NEGR1: variants seen among roughly 807,000 people sequenced by gnomAD.
NEGR1 encodes the protein neuronal growth regulator 1, also known as IgLON family member 4.
Under a neutral mutation model 40.9 loss-of-function variants are expected in NEGR1, and 10 were observed. The observed-to-expected ratio is 0.24, with a 90% confidence interval of 0.15 to 0.42. The LOEUF is 0.42. Ranked by LOEUF, NEGR1 falls within the 10% of genes least tolerant of loss-of-function variation. NEGR1 has a pLI of 1.00. For synonymous variants in NEGR1, 185 were observed against 166.8 expected (o/e 1.11, Z -0.84); for missense variants, 352 against 438.9 (o/e 0.80, Z 1.77).
intron 1 of NEGR1, among the ~76,000 whole-genome samples, chr1:71,950,322 A>G (rs1457286221): frequency 6.6e-6 from 1 of 152,034 alleles, no homozygotes; most frequent in Non-Finnish European, 1.5e-5. Flanking sequence ...AGCAAGCATA[A>G]CACATAAGTA....
At chr1:71,589,776 A>AC (rs1553152105) in intron 6 of NEGR1, among the ~76,000 whole-genome samples, 30 of 151,918 alleles carry the variant, frequency 2.0e-4, no homozygotes, top group African/African-American at 7.0e-4. Context: ...AAAGTTTAAT[A>AC]CTGGGTTTAG....
At chr1:72,089,121 T>C (rs1385027084) in intron 1 of NEGR1, among the ~76,000 whole-genome samples, 2 of 152,194 alleles carry the variant, frequency 1.3e-5, no homozygotes, top group East Asian at 1.9e-4. Flanking sequence ...ATTCTGCTTT[T>C]CTAACAAGCT....
At chr1:71,459,468 C>T (rs1646698935) in intron 6 of NEGR1, among the ~76,000 whole-genome samples, 1 of 152,228 alleles carries the variant, frequency 6.6e-6, no homozygotes, top group Non-Finnish European at 1.5e-5. Context: ...TGCCCATCAA[C>T]TTGGGCTGGC....
intron 1 of NEGR1, among the ~76,000 whole-genome samples, chr1:72,056,815 G>A (rs2100486376): frequency 6.6e-6 from 1 of 151,544 alleles, no homozygotes; most frequent in East Asian, 1.9e-4. Context: ...TCATATCATA[G>A]TTTCTCTGCT....
At chr1:72,093,239 G>T (rs1269448847) in intron 1 of NEGR1, among the ~76,000 whole-genome samples, 3 of 148,860 alleles carry the variant, frequency 2.0e-5, no homozygotes, top group Non-Finnish European at 4.4e-5. Flanking sequence ...GCTGAGGCAG[G>T]AGAATTGCTT....
intron 1 of NEGR1, among the ~76,000 whole-genome samples, chr1:72,138,465 T>G (rs1650552372): frequency 6.6e-6 from 1 of 151,906 alleles, no homozygotes; most frequent in African/African-American, 2.4e-5. Flanking sequence ...GCCAAATATG[T>G]GCTGCCAAGA....
At chr1:71,942,984 AT>A (rs1645981837) in intron 1 of NEGR1, among the ~76,000 whole-genome samples, 2 of 136,722 alleles carry the variant, frequency 1.5e-5, no homozygotes, top group African/African-American at 2.7e-5. Flanking sequence ...ATAAGTATAT[AT>A]GTGTATATAT....
intron 4 of NEGR1, among the ~76,000 whole-genome samples, chr1:71,646,860 T>C (rs969744890): frequency 6.6e-6 from 1 of 151,860 alleles, no homozygotes; most frequent in Non-Finnish European, 1.5e-5. Flanking sequence ...CACAATTGAA[T>C]TAACAATTCT....
At chr1:71,450,227 G>A (rs1435017241) in intron 6 of NEGR1, among the ~76,000 whole-genome samples, 1 of 151,626 alleles carries the variant, frequency 6.6e-6, no homozygotes, top group Non-Finnish European at 1.5e-5. Context: ...CTGACCTCTT[G>A]ATCCACCCGC....
rs1309714891 is a variant in NEGR1, at chr1:71,529,171, G to T, written c.940+63646C>A. ...GACAGATGCTAGGTGGGGTATTTGC[G>T]GTGCATTAAACAAATATTTAATTTT... On this transcript the variant is annotated intron_variant, in intron 6 of 6. Transcript: ENST00000357731. Among the ~76,000 whole-genome samples the T allele has an allele frequency of 2.0e-5, 3 of 151,014 alleles. No individual in the cohort carries two copies. The South Asian group carries it at 6.2e-4, about 31-fold the overall frequency.
chr1:71,776,056 C>T (rs950205440), intron 3 of NEGR1, 116 bp downstream of exon 3: 5 of 417,958 alleles, frequency 1.2e-5, no homozygotes, highest in African/African-American at 8.3e-5. Context: ...TTCTGCCTAC[C>T]GCATGAATAA....
chr1:71,607,113 T>G (rs1047325007), intron 5 of NEGR1, among the ~76,000 whole-genome samples: 8 of 152,204 alleles, frequency 5.3e-5, no homozygotes, highest in African/African-American at 1.9e-4. Flanking sequence ...AAACTCTAGA[T>G]CTTGCAGAAA....
At chr1:71,569,450 T>C (rs1289325798) in intron 6 of NEGR1, among the ~76,000 whole-genome samples, 1 of 152,164 alleles carries the variant, frequency 6.6e-6, no homozygotes, top group Non-Finnish European at 1.5e-5. Flanking sequence ...ATTTGAGCAG[T>C]TAACATGAGG....
chr1:71,559,697 T>G (rs1214274523), intron 6 of NEGR1, among the ~76,000 whole-genome samples: 1 of 151,578 alleles, frequency 6.6e-6, no homozygotes, highest in Non-Finnish European at 1.5e-5. Flanking sequence ...GTATGTGAAG[T>G]GCCTGCCAGG....
chr1:71,918,216 C>CAAAAAAAAAAAAAAA (rs1159908343), intron 2 of NEGR1, among the ~76,000 whole-genome samples: 9 of 24,752 alleles, frequency 3.6e-4, no homozygotes, highest in African/African-American at 5.0e-4. Context: ...GACTCTGTCT[C>CAAAAAAAAAAAAAAA]AAAAAAAAAA....
intron 2 of NEGR1, among the ~76,000 whole-genome samples, chr1:71,931,307 C>T (rs930700692): frequency 7.2e-5 from 11 of 152,240 alleles, no homozygotes; most frequent in Admixed American, 3.3e-4. Flanking sequence ...ATTTAATACA[C>T]GCTATCTATG....
chr1:71,958,922 T>C (rs1646140268), intron 1 of NEGR1, among the ~76,000 whole-genome samples: 1 of 146,392 alleles, frequency 6.8e-6, no homozygotes, highest in Non-Finnish European at 1.5e-5. Context: ...GCCACTGCAC[T>C]CCAGCCTGGG....
chr1:71,912,942 A>T (rs1053409525), intron 2 of NEGR1, among the ~76,000 whole-genome samples: 1 of 152,064 alleles, frequency 6.6e-6, no homozygotes, highest in Non-Finnish European at 1.5e-5. Context: ...CTTTTATCTG[A>T]CATTTTTAGC....
rs1460730800 is a variant in NEGR1, at chr1:71,399,212, C to A, written c.*8234G>T. On this transcript the variant is annotated 3_prime_UTR_variant, in exon 7 of 7. Transcript: ENST00000357731. ...TGAGAGAGCAGGAATTCTGAACACA[C>A]ATACTAGTTTATCTATAAATTAGAA... 6.6e-6 allele frequency: 1 copy of A among 151,776 alleles called. No individual in the cohort carries two copies. Among genetic ancestry groups the A allele is most frequent in the Admixed American group, 6.6e-5 (1 of 15,232 alleles). The allele number at this position is 151,776 out of a possible 1,614,324, so 9.4% of individuals were successfully genotyped here.
Sources: allele counts gnomAD v4.1 joint callset (sites outside exome capture counted in the v4.1 genomes callset), GRCh38; gene constraint gnomAD v4.1.1; transcripts MANE v1.5; gene names NCBI Gene and HGNC (gene_info 2026-07-23, HGNC 2026-07-21).